Variants in ADGRB3 observed in about 807,000 individuals in gnomAD.
The protein encoded by ADGRB3 is adhesion G protein-coupled receptor B3.
Under a neutral mutation model 193.4 loss-of-function variants are expected in ADGRB3, and 37 were observed. The ratio of observed to expected loss-of-function variants is 0.19; its 90% CI spans 0.15 to 0.25. The LOEUF (loss-of-function observed/expected upper bound fraction) is 0.25, where lower values mean the gene tolerates loss of function less well. Among genes scored for constraint, ADGRB3 ranks in the 10% least tolerant of loss-of-function variants. The pLI, the probability that ADGRB3 is intolerant of heterozygous loss-of-function variation, is 1.00. For missense variants in ADGRB3, 1,637 were observed against 1,852.9 expected, an observed-to-expected ratio of 0.88 and a Z score of 2.14; for synonymous variants, 690 against 644.2, an observed-to-expected ratio of 1.07 and a Z score of -1.08.
chr6:68,997,210 A>G (rs536383523), intron 11 of ADGRB3, among the ~76,000 whole-genome samples: 6 of 152,324 alleles, frequency 3.9e-5, no homozygotes, highest in African/African-American at 1.4e-4. Context: ...TTAGTAAATT[A>G]TTGGAATGTA....
chr6:69,360,399 A>G lies in ADGRB3; in HGVS notation c.3596-470A>G, dbSNP rs764614255. On this transcript the variant is annotated intron_variant, in intron 28 of 31. Coordinates refer to ENST00000370598, the MANE Select transcript of ADGRB3 (RefSeq NM_001704.3). The stretch of plus-strand genomic sequence containing the variant: ...GATCCAGTAGGATGAAGTTCCCATT[A>G]ATTATCCCTTCAAGAAGCATTTTAA... 2.0e-5 allele frequency among the ~76,000 whole-genome samples: 3 copies of G among 152,018 alleles called. No individual in the cohort carries two copies. The East Asian group carries it at 5.8e-4, about 29-fold the overall frequency.
intron 26 of ADGRB3, among the ~76,000 whole-genome samples, chr6:69,353,801 T>C (rs903240144): frequency 4.6e-5 from 7 of 152,190 alleles, no homozygotes; most frequent in Admixed American, 6.5e-5. Flanking sequence ...CGGTGGCTCA[T>C]GCCTGTAATC....
chr6:69,384,964 T>C (rs1330315419), intron 31 of ADGRB3, among the ~76,000 whole-genome samples: 1 of 150,626 alleles, frequency 6.6e-6, no homozygotes, highest in Non-Finnish European at 1.5e-5. Context: ...TCTTTTCTTT[T>C]TTTTTTTTTC....
At chr6:69,300,159 T>C (rs1734228193) in intron 20 of ADGRB3, among the ~76,000 whole-genome samples, 1 of 151,822 alleles carries the variant, frequency 6.6e-6, no homozygotes. Context: ...ACAAAGATGG[T>C]TTAACATACA....
At chr6:68,817,558 G>T (rs1767661598) in intron 3 of ADGRB3, among the ~76,000 whole-genome samples, 1 of 151,304 alleles carries the variant, frequency 6.6e-6, no homozygotes, top group Non-Finnish European at 1.5e-5. Flanking sequence ...CAGTGAAAGT[G>T]TTACAAGCAC....
At chr6:69,226,800 T>C (rs1766026579) in intron 17 of ADGRB3, among the ~76,000 whole-genome samples, 2 of 152,204 alleles carry the variant, frequency 1.3e-5, no homozygotes, top group Non-Finnish European at 2.9e-5. Flanking sequence ...CACTAACATG[T>C]CTAGTGGCTG....
chr6:68,817,145 T>C (rs1015093407), intron 3 of ADGRB3, among the ~76,000 whole-genome samples: 31 of 151,620 alleles, frequency 2.0e-4, no homozygotes, highest in African/African-American at 7.2e-4. Context: ...ACCCTATGCC[T>C]GGCCATTGCT....
At chr6:69,282,259 A>G (rs947255153) in intron 20 of ADGRB3, among the ~76,000 whole-genome samples, 2 of 152,308 alleles carry the variant, frequency 1.3e-5, no homozygotes, top group East Asian at 1.9e-4. Context: ...TTGAAAAGGC[A>G]TAAGATGCTT....
intron 3 of ADGRB3, among the ~76,000 whole-genome samples, chr6:68,780,687 T>G (rs1185686246): frequency 6.6e-6 from 1 of 151,264 alleles, no homozygotes; most frequent in African/African-American, 2.4e-5. Context: ...AGCACAAGGG[T>G]TTTTTTTAAC....
chr6:68,778,142 C>G (rs572961751), intron 3 of ADGRB3, among the ~76,000 whole-genome samples: 1 of 152,146 alleles, frequency 6.6e-6, no homozygotes, highest in African/African-American at 2.4e-5. Flanking sequence ...TTTCTGCCAG[C>G]AAATGACATT....
intron 17 of ADGRB3, among the ~76,000 whole-genome samples, chr6:69,155,691 T>G (rs1372406614): frequency 6.6e-6 from 1 of 152,228 alleles, no homozygotes. Context: ...AAGCAGATGC[T>G]GAGTACAGGT....
At chr6:69,084,112 C>G (rs1024154275) in intron 17 of ADGRB3, among the ~76,000 whole-genome samples, 1 of 152,016 alleles carries the variant, frequency 6.6e-6, no homozygotes, top group Non-Finnish European at 1.5e-5. Flanking sequence ...AGTTCTCTGT[C>G]CATTTCAGCT....
intron 26 of ADGRB3, among the ~76,000 whole-genome samples, chr6:69,349,426 T>C (rs922032161): frequency 1.3e-5 from 2 of 152,218 alleles, no homozygotes; most frequent in Non-Finnish European, 2.9e-5. Context: ...GAATGCATCT[T>C]TTTCTTTCAT....
chr6:69,046,203 T>C (rs1264280240), intron 13 of ADGRB3, among the ~76,000 whole-genome samples: 4 of 152,212 alleles, frequency 2.6e-5, no homozygotes, highest in African/African-American at 9.6e-5. Context: ...TTCTCTTTTA[T>C]AATAGAAACT....
At chr6:69,386,349 C>T (rs1228182463) in intron 31 of ADGRB3, among the ~76,000 whole-genome samples, 1 of 152,050 alleles carries the variant, frequency 6.6e-6, no homozygotes, top group Admixed American at 6.6e-5. Flanking sequence ...TGAATTCTTT[C>T]AGGATTGAAC....
At chr6:68,868,216 G>T (rs886438322) in intron 3 of ADGRB3, among the ~76,000 whole-genome samples, 21 of 152,192 alleles carry the variant, frequency 1.4e-4, no homozygotes, top group Non-Finnish European at 2.2e-4. Flanking sequence ...CCCCTATGCA[G>T]TTCTGGTGAG....
At chr6:68,960,366 T>A (rs375966497) in intron 8 of ADGRB3, among the ~76,000 whole-genome samples, 1 of 152,144 alleles carries the variant, frequency 6.6e-6, no homozygotes, top group East Asian at 1.9e-4. Flanking sequence ...AATGTAGGAA[T>A]TATTGTGATG....
chr6:69,029,541 G>A (rs958813154), intron 13 of ADGRB3, among the ~76,000 whole-genome samples: 7 of 152,136 alleles, frequency 4.6e-5, no homozygotes, highest in Non-Finnish European at 8.8e-5. Context: ...GGTTGCAAAC[G>A]TATGATATAT....
intron 17 of ADGRB3, among the ~76,000 whole-genome samples, chr6:69,186,271 A>C (rs1765065328): frequency 6.6e-6 from 1 of 152,082 alleles, no homozygotes; most frequent in African/African-American, 2.4e-5. Context: ...GGCCACAAAT[A>C]AGCTAAAAGG....
Sources: gnomAD v4.1 joint callset for allele counts (sites outside exome capture counted in the v4.1 genomes callset) on GRCh38, gnomAD v4.1.1 for gene constraint, MANE v1.5 for transcripts, NCBI Gene and HGNC (gene_info 2026-07-23, HGNC 2026-07-21) for gene names.